NFIA: variants seen among roughly 807,000 people sequenced by gnomAD.
NFIA encodes nuclear factor 1 A-type.
A neutral mutation model predicts 62.8 loss-of-function variants in NFIA; 8 were observed. That is an observed-to-expected ratio of 0.13 (90% CI 0.07 to 0.23). NFIA has a LOEUF of 0.23. Among genes scored for constraint, NFIA ranks in the 10% least tolerant of loss-of-function variants. The pLI is 1.00. For synonymous variants in NFIA, 235 were observed against 238.1 expected (o/e 0.99, Z 0.12); for missense variants, 410 against 642.1 (o/e 0.64, Z 3.91).
In NFIA at chr1:61,088,742, C is replaced by G; in HGVS notation, c.559+62C>G. Reference sequence around the variant, plus strand: ...TGTGTGTTTCTTTCCTGATGGCCTCCGCGTTATGCCGGATTCTTCCTGAGC... The same window carrying G: ...TGTGTGTTTCTTTCCTGATGGCCTCGGCGTTATGCCGGATTCTTCCTGAGC... On this transcript the variant is annotated intron_variant, in intron 2 of 10. Coordinates refer to ENST00000403491, the MANE Select transcript of NFIA (RefSeq NM_001134673.4). This position sits in a 1 kb window ranked among gnomAD's most constrained non-coding sequence, Gnocchi z 4.5. 1.3e-6 allele frequency: 2 copies of G among 1,525,762 alleles called. No homozygotes were observed. The highest frequency in any genetic ancestry group is 1.8e-6 in the Non-Finnish European group (2 of 1,138,318). The allele number at this position is 1,525,762 out of a possible 1,614,324, so 94.5% of individuals were successfully genotyped here.
At position 61,262,635 on chromosome 1, in the gene NFIA, T is replaced by C. The variant is rs570360671; in HGVS notation, c.560-14885T>C. Among the ~76,000 whole-genome samples the C allele has an allele frequency of 7.2e-5, 11 of 152,312 alleles. No individual in the cohort carries two copies. In the South Asian group the frequency reaches 2.3e-3, roughly 32 times the overall value. On this transcript the variant is annotated intron_variant, in intron 2 of 10. Transcript: ENST00000403491. ...CTTTCCTTTCTATAGGACCTCCATT[T>C]AGAGGAGAAAAGGAAATCATTAAGT... is the stretch of plus-strand genomic sequence containing the variant.
At position 61,126,953 on chromosome 1, in the gene NFIA, C is replaced by T. The variant is rs768344065; in HGVS notation, c.559+38273C>T. Among the ~76,000 whole-genome samples the T allele has an allele frequency of 7.3e-5, 11 of 151,054 alleles. No homozygotes were observed. In the South Asian group the frequency reaches 8.4e-4, roughly 11 times the overall value. On this transcript the variant is annotated intron_variant, in intron 2 of 10. Transcript: ENST00000403491. ...ATGTGTACCACCACGTCCGACTGTCCGACTAGTTTTTGTATTTTTAGTAGA... is the reference window on the plus strand; with the variant it reads ...ATGTGTACCACCACGTCCGACTGTCTGACTAGTTTTTGTATTTTTAGTAGA...
chr1:61,370,361 A>G (rs1663820778), intron 6 of NFIA, among the ~76,000 whole-genome samples: 2 of 152,210 alleles, frequency 1.3e-5, no homozygotes, highest in Non-Finnish European at 2.9e-5. Flanking sequence ...TTCCTGATGG[A>G]TTCCTGAATG....
At chr1:61,280,612 C>T (rs944651340) in intron 3 of NFIA, among the ~76,000 whole-genome samples, 1 of 152,192 alleles carries the variant, frequency 6.6e-6, no homozygotes, top group Non-Finnish European at 1.5e-5. Context: ...GTAAACTGGG[C>T]CATGTAACTT....
chr1:61,278,772 A>G (rs1352259680), intron 3 of NFIA, among the ~76,000 whole-genome samples: 1 of 150,360 alleles, frequency 6.7e-6, no homozygotes, highest in Non-Finnish European at 1.5e-5. Context: ...GCTCTGGGCA[A>G]CAGAGCAGAA....
chr1:61,133,815 G>T (rs1009338503), intron 2 of NFIA, among the ~76,000 whole-genome samples: 2 of 152,134 alleles, frequency 1.3e-5, no homozygotes, highest in Admixed American at 6.5e-5. Context: ...CTGCACTCCA[G>T]CCTGGGCAAC....
chr1:61,268,986 AGCTTCT>A (rs1412827170), intron 2 of NFIA, among the ~76,000 whole-genome samples: 1 of 152,126 alleles, frequency 6.6e-6, no homozygotes, highest in Non-Finnish European at 1.5e-5. Context: ...TTGTTTGGGA[AGCTTCT>A]GCATTTTGTC....
At chr1:61,359,298 A>T in intron 6 of NFIA, 24 bp downstream of exon 6, 8 of 1,612,046 alleles carry the variant, frequency 5.0e-6, no homozygotes, top group Non-Finnish European at 6.8e-6. Context: ...CGGCACGGGC[A>T]TGTGGCTAAC....
intron 2 of NFIA, among the ~76,000 whole-genome samples, chr1:61,112,612 T>C (rs925502034): frequency 1.3e-5 from 2 of 152,204 alleles, no homozygotes; most frequent in East Asian, 3.8e-4. Context: ...CCAGATCTTA[T>C]ATGTGTGATA....
intron 2 of NFIA, among the ~76,000 whole-genome samples, chr1:61,217,211 C>G (rs956840112): frequency 4.0e-5 from 6 of 150,834 alleles, no homozygotes; most frequent in Non-Finnish European, 7.4e-5. Context: ...CACATGCCAC[C>G]ACACCTTGCT....
intron 2 of NFIA, among the ~76,000 whole-genome samples, chr1:61,200,065 T>C (rs1484784462): frequency 3.7e-5 from 2 of 54,028 alleles, no homozygotes; most frequent in African/African-American, 9.2e-5. Flanking sequence ...TATATATATA[T>C]ATGTATGTAT....
At chr1:61,408,273 G>A (rs932847883) in intron 9 of NFIA, among the ~76,000 whole-genome samples, 8 of 152,208 alleles carry the variant, frequency 5.3e-5, no homozygotes, top group Non-Finnish European at 1.0e-4. Context: ...AAGCAAGCTG[G>A]GCTTGGCCCA....
chr1:61,342,854 T>C (rs1385979674), intron 4 of NFIA, among the ~76,000 whole-genome samples: 2 of 152,244 alleles, frequency 1.3e-5, no homozygotes, highest in Non-Finnish European at 2.9e-5. Context: ...TTCTGTCACT[T>C]ACTTAGTTGC....
intron 3 of NFIA, among the ~76,000 whole-genome samples, chr1:61,293,290 A>G (rs551010007): frequency 5.9e-5 from 9 of 152,268 alleles, no homozygotes; most frequent in East Asian, 1.9e-4. Context: ...TTCCCAATCA[A>G]TGGATTCTGG....
intron 2 of NFIA, among the ~76,000 whole-genome samples, chr1:61,191,687 A>C (rs1272919177): frequency 1.1e-4 from 16 of 152,140 alleles, no homozygotes. Context: ...CATGGCATTC[A>C]AATCAATTTG....
intron 2 of NFIA, among the ~76,000 whole-genome samples, chr1:61,241,852 A>G (rs1049464518): frequency 6.6e-6 from 1 of 152,090 alleles, no homozygotes; most frequent in African/African-American, 2.4e-5. Context: ...CCACTGTAAA[A>G]TAACATGGTC....
chr1:61,383,091 A>G, intron 6 of NFIA, 146 bp from the exon 7 acceptor site: 1 of 1,005,264 alleles, frequency 9.9e-7, no homozygotes, highest in Non-Finnish European at 1.5e-6. Context: ...TCTGTGACAA[A>G]TGCAAAGCAA....
At chr1:61,166,363 T>C (rs976502226) in intron 2 of NFIA, among the ~76,000 whole-genome samples, 11 of 152,192 alleles carry the variant, frequency 7.2e-5, no homozygotes, top group South Asian at 2.1e-4. Context: ...GCCTGAGATA[T>C]GTATTCATTA....
intron 2 of NFIA, among the ~76,000 whole-genome samples, chr1:61,129,115 G>T (rs1420483023): frequency 6.6e-6 from 1 of 151,508 alleles, no homozygotes; most frequent in African/African-American, 2.4e-5. Context: ...GTAGAGACGG[G>T]GTTTCACCGT....
Sources: allele counts gnomAD v4.1 joint callset (sites outside exome capture counted in the v4.1 genomes callset), GRCh38; gene constraint gnomAD v4.1.1; non-coding constraint Gnocchi (gnomAD v3.1); transcripts MANE v1.5; gene names NCBI Gene and HGNC (gene_info 2026-07-23, HGNC 2026-07-21).